The following MRRF variants were observed in gnomAD, a reference collection of about 807,000 sequenced individuals.
The protein encoded by MRRF is mitochondrial ribosome recycling factor.
MRRF carries 18 observed loss-of-function variants against 25.1 expected under a neutral mutation model. That is an observed-to-expected ratio of 0.72 (90% confidence interval 0.50 to 1.06). The LOEUF (loss-of-function observed/expected upper bound fraction) is 1.06. Among genes scored for constraint, MRRF ranks in the 50% least tolerant of loss-of-function variants. The probability of loss-of-function intolerance (pLI) is 0.00; values close to 1 mark genes in which losing one functional copy is unlikely to be tolerated. For missense variants in MRRF, 323 were observed against 319.3 expected (o/e 1.01, Z -0.09); for synonymous variants, 113 against 112.1 (o/e 1.01, Z -0.05).
chr9:122,308,866 C>T (rs1335720052), intron 5 of MRRF, among the ~76,000 whole-genome samples: 2 of 152,146 alleles, frequency 1.3e-5, no homozygotes, highest in Non-Finnish European at 2.9e-5. Flanking sequence ...TGACACCTGG[C>T]TAATTTTATT....
intron 6 of MRRF, among the ~76,000 whole-genome samples, chr9:122,322,258 G>A (rs948235501): frequency 6.6e-6 from 1 of 152,060 alleles, no homozygotes; most frequent in Non-Finnish European, 1.5e-5. Context: ...AGCTACTCGG[G>A]AGGCTGAGGC....
At chr9:122,301,265 C>T (rs1272169387) in intron 5 of MRRF, among the ~76,000 whole-genome samples, 1 of 152,170 alleles carries the variant, frequency 6.6e-6, no homozygotes, top group Admixed American at 6.5e-5. Context: ...CAGTTTCTCA[C>T]GAATGATAAC....
At chr9:122,286,612 C>A (rs1394032813) in intron 4 of MRRF, among the ~76,000 whole-genome samples, 1 of 152,152 alleles carries the variant, frequency 6.6e-6, no homozygotes, top group Non-Finnish European at 1.5e-5. Context: ...ACTCAGGAAA[C>A]TGCAGTGGAA....
chr9:122,274,152 G>GTT (rs1314151253), intron 2 of MRRF, among the ~76,000 whole-genome samples: 1 of 152,028 alleles, frequency 6.6e-6, no homozygotes, highest in Non-Finnish European at 1.5e-5. Flanking sequence ...AGGCATCTTT[G>GTT]TTTTAGTCCT....
intron 4 of MRRF, among the ~76,000 whole-genome samples, chr9:122,289,322 C>T (rs1461037856): frequency 6.6e-6 from 1 of 152,150 alleles, no homozygotes; most frequent in Non-Finnish European, 1.5e-5. Context: ...GAGCACTTAC[C>T]ATGTACCTGG....
chr9:122,279,362 C>T (rs562547127), intron 2 of MRRF, among the ~76,000 whole-genome samples: 2 of 152,304 alleles, frequency 1.3e-5, no homozygotes, highest in South Asian at 4.1e-4. Flanking sequence ...CACTATTCTT[C>T]CTACCTCAGA....
Position 122,317,158 on chromosome 9 carries a change from A to C in MRRF, c.711+3772A>C, listed in dbSNP as rs138510895. On this transcript the variant is annotated intron_variant, in intron 6 of 6. Coordinates refer to ENST00000344641, the MANE Select transcript of MRRF (RefSeq NM_138777.5). ...AAGTGTGGAATTACTGTACAGAGGG[A>C]TTGCATATTTTTTGTAAGATTCTTG... Among the ~76,000 whole-genome samples the C allele has an allele frequency of 2.7e-3, 402 of 151,686 alleles. 2 individuals are homozygous for C. The highest frequency in any genetic ancestry group is 9.2e-3 in the African/African-American group (383 of 41,490).
chr9:122,287,594 T>C (rs952350753), intron 4 of MRRF, among the ~76,000 whole-genome samples: 1 of 152,202 alleles, frequency 6.6e-6, no homozygotes, highest in Non-Finnish European at 1.5e-5. Flanking sequence ...AAATAGCAAA[T>C]GGCATTCACA....
At chr9:122,286,094 A>G in intron 4 of MRRF, 1 of 1,271,600 alleles carries the variant, frequency 7.9e-7, no homozygotes, top group Non-Finnish European at 1.0e-6. Flanking sequence ...CATCTCTACC[A>G]CCAACTGGCT....
chr9:122,307,418 T>C (rs1047743875), intron 5 of MRRF, among the ~76,000 whole-genome samples: 13 of 152,220 alleles, frequency 8.5e-5, no homozygotes, highest in African/African-American at 3.1e-4. Context: ...GTTCCCATTC[T>C]GTTTCTCTCT....
intron 2 of MRRF, among the ~76,000 whole-genome samples, chr9:122,280,138 A>G (rs1035502883): frequency 2.0e-5 from 3 of 152,212 alleles, no homozygotes; most frequent in African/African-American, 7.2e-5. Flanking sequence ...CTATTCTTTT[A>G]CAGGTAGGGA....
At position 122,285,248 on chromosome 9, in the gene MRRF, G is replaced by A. The variant is rs372875280; in HGVS notation, c.420G>A (p.Ser140=). ...AGATTAGCCAGATCTCCATGAAGTC[G>A]CCACAGCTGATTTTGGTGAATATGG... is the stretch of plus-strand genomic sequence containing the variant. ...LNQISQISMK[S]PQLILVNMAS... is the part of the protein sequence containing the mutation. The change falls in exon 4 of 7, where the codon TCG becomes TCA. Residue 140 remains serine (S), a synonymous_variant. Transcript: ENST00000344641. The A allele has an allele frequency of 1.3e-4, 213 of 1,613,570 alleles. No individual in the cohort carries two copies. Among genetic ancestry groups the A allele is most frequent in the Middle Eastern group, 1.3e-3 (8 of 6,080 alleles).
rs983575284 is a variant in MRRF at position 122,329,313 on chromosome 9, C to G, written c.*6696C>G. On this transcript the variant is annotated 3_prime_UTR_variant, in exon 7 of 7. Transcript: ENST00000344641. ...GGCTATTTTCTTTGCCTAGTGTATGCTCCCTTAAACCACTTCCCCACCAGC... is the reference window on the plus strand; with the variant it reads ...GGCTATTTTCTTTGCCTAGTGTATGGTCCCTTAAACCACTTCCCCACCAGC... 1 of 152,194 alleles carries G rather than the reference C, an allele frequency of 6.6e-6. No individual in the cohort carries two copies. Among genetic ancestry groups the G allele is most frequent in the Non-Finnish European group, 1.5e-5 (1 of 68,046 alleles). The allele number at this position is 152,194 out of a possible 1,614,324, so 9.4% of individuals were successfully genotyped here.
chr9:122,292,619 T>C (rs1588043855), intron 5 of MRRF, among the ~76,000 whole-genome samples: 1 of 152,000 alleles, frequency 6.6e-6, no homozygotes, highest in Admixed American at 6.6e-5. Flanking sequence ...AGGCTGATGG[T>C]TTAGGCATTA....
intron 4 of MRRF, chr9:122,286,091 A>C: frequency 1.6e-6 from 2 of 1,272,448 alleles, no homozygotes; most frequent in Admixed American, 4.6e-5. Context: ...TCCCATCTCT[A>C]CCACCAACTG....
In MRRF at chr9:122,325,029, A is replaced by G. The variant is rs1462666979; in HGVS notation, c.*2412A>G. 1 of 152,188 alleles carries G rather than the reference A, an allele frequency of 6.6e-6. No individual in the cohort carries two copies. The highest frequency in any genetic ancestry group is 1.5e-5 in the Non-Finnish European group (1 of 68,038). The allele number at this position is 152,188 out of a possible 1,614,324, so 9.4% of individuals were successfully genotyped here. On this transcript the variant is annotated 3_prime_UTR_variant, in exon 7 of 7. Transcript: ENST00000344641. ...CATGAGTGGCCGAAATCCCCCACTC[A>G]CTGCAAATGTGCTTCTCAAAGATGC... is the stretch of plus-strand genomic sequence containing the variant.
intron 6 of MRRF, among the ~76,000 whole-genome samples, chr9:122,318,727 G>A (rs1835690678): frequency 6.6e-6 from 1 of 152,162 alleles, no homozygotes; most frequent in Admixed American, 6.5e-5. Flanking sequence ...TATTATGTTG[G>A]CAAGGGTTCT....
chr9:122,284,208 C>G (rs1019541286), intron 3 of MRRF, among the ~76,000 whole-genome samples: 1 of 152,154 alleles, frequency 6.6e-6, no homozygotes, highest in African/African-American at 2.4e-5. Context: ...TCAAAGCTCC[C>G]TGGTGATTCT....
chr9:122,321,474 T>C (rs1835890776), intron 6 of MRRF, among the ~76,000 whole-genome samples: 1 of 152,228 alleles, frequency 6.6e-6, no homozygotes, highest in Admixed American at 6.5e-5. Context: ...TGTATAGAAC[T>C]TCAGAAAATT....
Sources: allele counts gnomAD v4.1 joint callset (sites outside exome capture counted in the v4.1 genomes callset), GRCh38; gene constraint gnomAD v4.1.1; transcripts MANE v1.5; gene names NCBI Gene and HGNC (gene_info 2026-07-23, HGNC 2026-07-21).